ACTN4: variants seen among roughly 807,000 people sequenced by gnomAD.
The protein encoded by ACTN4 is actinin alpha 4.
A neutral mutation model predicts 114.2 loss-of-function variants in ACTN4; 18 were observed. That is an observed-to-expected ratio of 0.16 (90% CI 0.11 to 0.23). The LOEUF is 0.23. Ranked by LOEUF, ACTN4 falls within the 10% of genes least tolerant of loss-of-function variation. ACTN4 has a pLI of 1.00. For synonymous variants in ACTN4, 515 were observed against 506.3 expected (o/e 1.02, Z -0.23); for missense variants, 722 against 1,262.9 (o/e 0.57, Z 6.49).
intron 1 of ACTN4, among the ~76,000 whole-genome samples, chr19:38,698,940 C>G (rs895895503): frequency 3.9e-5 from 6 of 152,194 alleles, no homozygotes; most frequent in African/African-American, 1.4e-4. Flanking sequence ...TCAGAGCCCC[C>G]GTAGAAGCCC....
chr19:38,667,080 CT>C (rs921458571), intron 1 of ACTN4, among the ~76,000 whole-genome samples: 1 of 152,122 alleles, frequency 6.6e-6, no homozygotes, highest in African/African-American at 2.4e-5. Context: ...GCAGGGAAGT[CT>C]TGTTTTCCTA....
intron 1 of ACTN4, among the ~76,000 whole-genome samples, chr19:38,677,368 C>T (rs1395707459): frequency 7.8e-6 from 1 of 127,842 alleles, no homozygotes; most frequent in African/African-American, 2.5e-5. Context: ...AATAGATAGC[C>T]AAACAGACAG....
intron 1 of ACTN4, among the ~76,000 whole-genome samples, chr19:38,679,635 A>G (rs2144916281): frequency 6.6e-6 from 1 of 150,384 alleles, no homozygotes; most frequent in South Asian, 2.1e-4. Context: ...CCTGTCACCC[A>G]GGCTGGAGTA....
Position 38,657,634 on chromosome 19 carries a change from TTTTC to T in ACTN4, c.162+9739_162+9742del, listed in dbSNP as rs147578904. Among the ~76,000 whole-genome samples, 702 of 152,274 alleles carry T rather than the reference TTTTC, an allele frequency of 4.6e-3. 19 individuals carry two copies. The highest frequency in any genetic ancestry group is 0.032 in the Admixed American group (491 of 15,290). ...AGGAAGTGAAATAGATGCATTTCTT[TTTTC>T]TTTCTTTCTTTTCCTTTTTTAAATA... is the stretch of plus-strand genomic sequence containing the variant. On this transcript the variant is annotated intron_variant, in intron 1 of 20. Coordinates refer to ENST00000252699, the MANE Select transcript of ACTN4 (RefSeq NM_004924.6).
chr19:38,729,587 CCTCT>C lies in ACTN4; in HGVS notation c.*162_*165del, dbSNP rs974574445. ...AGGGAGGGGCTGGGGCAGGCTCTCT[CCTCT>C]CTCTCTTTGTGGGTTGGCCAGGAGG... On this transcript the variant is annotated 3_prime_UTR_variant, in exon 21 of 21. Transcript: ENST00000252699. 5 of 1,067,324 alleles carry C rather than the reference CCTCT, an allele frequency of 4.7e-6. No homozygotes were observed. The highest frequency in any genetic ancestry group is 2.0e-5 in the Admixed American group (1 of 50,144). 66.1% of individuals were successfully genotyped at this position (1,067,324 alleles called of 1,614,324 possible). A position where few individuals can be genotyped will look rare whatever the true frequency, so the allele number is the denominator to read the frequency against.
rs919102688 is a variant in ACTN4 at position 38,647,671 on chromosome 19, C to T, written c.-75C>T. ...GCTGAAGCAGCTGAAGCGGCGGTAG[C>T]GGCGGCGGCTCGGGCAGAGGGGCGG... On this transcript the variant is annotated 5_prime_UTR_variant, in exon 1 of 21. Transcript: ENST00000252699. 1.7e-5 allele frequency: 25 copies of T among 1,475,318 alleles called. No individual in the cohort carries two copies. In the South Asian group the frequency reaches 2.9e-4, roughly 17 times the overall value. 91.4% of individuals were successfully genotyped at this position (1,475,318 alleles called of 1,614,324 possible). A position where few individuals can be genotyped will look rare whatever the true frequency, so the allele number is the denominator to read the frequency against.
chr19:38,679,774 G>A (rs999125407), intron 1 of ACTN4, among the ~76,000 whole-genome samples: 3 of 152,006 alleles, frequency 2.0e-5, no homozygotes, highest in South Asian at 2.1e-4. Context: ...GGGATTACAA[G>A]TGTGAGCCAC....
At position 38,691,444 on chromosome 19, in the gene ACTN4, C is replaced by T. The variant is rs1043008856; in HGVS notation, c.163-9156C>T. Among the ~76,000 whole-genome samples, 8 of 147,312 alleles carry T rather than the reference C, an allele frequency of 5.4e-5. No individual in the cohort carries two copies. The South Asian group carries it at 1.3e-3, about 24-fold the overall frequency. On this transcript the variant is annotated intron_variant, in intron 1 of 20. Coordinates refer to ENST00000252699, the MANE Select transcript of ACTN4 (RefSeq NM_004924.6). ...AAAAACAAAAAAAAAAACCCAACAA[C>T]GCAGAGTGGAGTGATAGCCTAGGGG...
At chr19:38,686,584 G>A (rs1485346528) in intron 1 of ACTN4, among the ~76,000 whole-genome samples, 1 of 152,208 alleles carries the variant, frequency 6.6e-6, no homozygotes, top group Non-Finnish European at 1.5e-5. Flanking sequence ...TCTGTTAAAG[G>A]TAGTTATTTC....
chr19:38,704,503 C>T (rs1345521118), intron 3 of ACTN4, among the ~76,000 whole-genome samples: 1 of 152,258 alleles, frequency 6.6e-6, no homozygotes, highest in Non-Finnish European at 1.5e-5. Flanking sequence ...AAAAAGACCA[C>T]CTTTGCCCTG....
chr19:38,683,176 T>A (rs1032343543), intron 1 of ACTN4, among the ~76,000 whole-genome samples: 1 of 152,176 alleles, frequency 6.6e-6, no homozygotes, highest in Admixed American at 6.5e-5. Flanking sequence ...GGCTATCTGG[T>A]GCCAGCGGTT....
chr19:38,664,747 TC>T (rs533750868), intron 1 of ACTN4, among the ~76,000 whole-genome samples: 79 of 152,142 alleles, frequency 5.2e-4, no homozygotes, highest in Non-Finnish European at 1.1e-3. Context: ...GGTTAAGACT[TC>T]CGGGGAGGCC....
chr19:38,719,540 T>C (rs1034211287), intron 11 of ACTN4, among the ~76,000 whole-genome samples: 1 of 152,150 alleles, frequency 6.6e-6, no homozygotes, highest in Non-Finnish European at 1.5e-5. Context: ...AGGAAGGGCC[T>C]GGCCAGGCCG....
chr19:38,728,971 CCCCCA>C lies in ACTN4; in HGVS notation c.2419-16_2419-12del. 2 of 1,611,788 alleles carry C rather than the reference CCCCCA, an allele frequency of 1.2e-6. No homozygotes were observed. The highest frequency in any genetic ancestry group is 1.7e-6 in the Non-Finnish European group (2 of 1,179,898). ...CCCTGCCCCACTAAATGTCGGGTGT[CCCCCA>C]CCCCACCCTCTCCTTGCAGGGTGAG... On this transcript the variant is annotated intron_variant, in intron 19 of 20. Coordinates refer to ENST00000252699, the MANE Select transcript of ACTN4 (RefSeq NM_004924.6).
chr19:38,673,757 T>TTA (rs554761599), intron 1 of ACTN4, among the ~76,000 whole-genome samples: 5 of 101,102 alleles, frequency 4.9e-5, no homozygotes, highest in African/African-American at 1.1e-4. Flanking sequence ...ATATATATTT[T>TTA]TATATATATA....
intron 9 of ACTN4, among the ~76,000 whole-genome samples, chr19:38,715,173 G>C (rs1309753338): frequency 6.6e-6 from 1 of 152,180 alleles, no homozygotes; most frequent in Non-Finnish European, 1.5e-5. Context: ...TCTTCTGGAG[G>C]CTCTTCATTT....
At chr19:38,653,044 C>T (rs1442722439) in intron 1 of ACTN4, among the ~76,000 whole-genome samples, 1 of 148,622 alleles carries the variant, frequency 6.7e-6, no homozygotes, top group Admixed American at 6.8e-5. Flanking sequence ...CAAGATCGCG[C>T]TACTGCACTC....
chr19:38,719,288 C>T lies in ACTN4; in HGVS notation c.1291+1214C>T, dbSNP rs116755288. Among the ~76,000 whole-genome samples the T allele has an allele frequency of 3.7e-3, 565 of 152,344 alleles. 3 individuals are homozygous for T. Among genetic ancestry groups the T allele is most frequent in the African/African-American group, 0.012 (519 of 41,588 alleles). On this transcript the variant is annotated intron_variant, in intron 11 of 20. Transcript: ENST00000252699. ...TCCCAACACAGTCTCCCTGGCCCTC[C>T]GGCCGCCACTCCGCCCAGCTGAGCC...
intron 1 of ACTN4, among the ~76,000 whole-genome samples, chr19:38,651,258 G>A (rs1374624817): frequency 2.6e-5 from 4 of 152,180 alleles, no homozygotes; most frequent in Admixed American, 6.5e-5. Context: ...CAGAGGGGAC[G>A]TGTGTCTCAC....
Sources: gnomAD v4.1 joint callset for allele counts (sites outside exome capture counted in the v4.1 genomes callset) on GRCh38, gnomAD v4.1.1 for gene constraint, MANE v1.5 for transcripts, NCBI Gene and HGNC (gene_info 2026-07-23, HGNC 2026-07-21) for gene names.